The following SETBP1 variants were observed in gnomAD, a reference collection of about 807,000 sequenced individuals.
SETBP1 encodes the protein SET-binding protein.
In SETBP1, 9 loss-of-function variants were observed where a neutral mutation model predicts 101.0. The observed-to-expected ratio is 0.09, with a 90% CI of 0.05 to 0.16. SETBP1 has a LOEUF of 0.16. Ranked by LOEUF, SETBP1 falls within the 10% of genes least tolerant of loss-of-function variation. The probability of loss-of-function intolerance (pLI) is 1.00; values close to 1 mark genes in which losing one functional copy is unlikely to be tolerated. For missense variants in SETBP1, 1,858 were observed against 2,033.8 expected (o/e 0.91, Z 1.66); for synonymous variants, 818 against 788.5 (o/e 1.04, Z -0.63).
chr18:45,002,295 T>C (rs1405090185), intron 4 of SETBP1, among the ~76,000 whole-genome samples: 1 of 151,474 alleles, frequency 6.6e-6, no homozygotes, highest in Non-Finnish European at 1.5e-5. Flanking sequence ...AGAACCATTT[T>C]TTTTTTTTTT....
At chr18:44,941,285 C>T (rs1320719290) in intron 3 of SETBP1, among the ~76,000 whole-genome samples, 2 of 151,778 alleles carry the variant, frequency 1.3e-5, no homozygotes, top group Admixed American at 6.6e-5. Flanking sequence ...GGGGTTTTAC[C>T]ATGTTGGGCC....
rs139503625 is a variant in SETBP1, at chr18:44,898,126, T to C, written c.540+28843T>C. On this transcript the variant is annotated intron_variant, in intron 3 of 5. Coordinates refer to ENST00000649279, the MANE Select transcript of SETBP1 (RefSeq NM_015559.3). ...ATACCTTTCCATAGAGAGATGCCTG[T>C]TTCATTGTTCCTCCACATTCTTTCT... 4.9e-3 allele frequency among the ~76,000 whole-genome samples: 740 copies of C among 152,286 alleles called. 5 individuals carry two copies. The highest frequency in any genetic ancestry group is 8.4e-3 in the Non-Finnish European group (574 of 68,016).
At chr18:44,719,462 AGAAG>A (rs1388928099) in intron 2 of SETBP1, among the ~76,000 whole-genome samples, 1 of 152,110 alleles carries the variant, frequency 6.6e-6, no homozygotes, top group Non-Finnish European at 1.5e-5. Flanking sequence ...ACCTTTTCCG[AGAAG>A]GAATGGAGAG....
At chr18:44,813,005 C>G (rs1197991689) in intron 2 of SETBP1, among the ~76,000 whole-genome samples, 1 of 151,906 alleles carries the variant, frequency 6.6e-6, no homozygotes, top group African/African-American at 2.4e-5. Flanking sequence ...CATGTTCATT[C>G]TGAGAATCAG....
At chr18:44,923,220 G>C (rs2070621251) in intron 3 of SETBP1, among the ~76,000 whole-genome samples, 1 of 152,146 alleles carries the variant, frequency 6.6e-6, no homozygotes, top group Non-Finnish European at 1.5e-5. Context: ...TGACCTTCTG[G>C]GCATTTGAAG....
Position 44,894,836 on chromosome 18 carries a change from A to T in SETBP1, c.540+25553A>T, listed in dbSNP as rs1489857032. Among the ~76,000 whole-genome samples, 4 of 151,916 alleles carry T rather than the reference A, an allele frequency of 2.6e-5. No homozygotes were observed. In the East Asian group the frequency reaches 7.9e-4, roughly 30 times the overall value. On this transcript the variant is annotated intron_variant, in intron 3 of 5. Coordinates refer to ENST00000649279, the MANE Select transcript of SETBP1 (RefSeq NM_015559.3). ...ACAATTTAAGTCCAATTCACTGTTG[A>T]AAACTTAATTGAGGCTGGGCACCGT...
At chr18:44,794,266 G>T (rs996839194) in intron 2 of SETBP1, among the ~76,000 whole-genome samples, 5 of 152,082 alleles carry the variant, frequency 3.3e-5, no homozygotes, top group Non-Finnish European at 7.3e-5. Context: ...GGATACAGCT[G>T]TATTCTTAAA....
intron 2 of SETBP1, among the ~76,000 whole-genome samples, chr18:44,713,787 T>A (rs1457437230): frequency 6.6e-6 from 1 of 152,248 alleles, no homozygotes; most frequent in Non-Finnish European, 1.5e-5. Flanking sequence ...CAGTCGATTC[T>A]CTAGGCTAAA....
At chr18:44,965,954 C>T (rs534385872) in intron 4 of SETBP1, among the ~76,000 whole-genome samples, 2 of 152,302 alleles carry the variant, frequency 1.3e-5, no homozygotes, top group African/African-American at 2.4e-5. Context: ...GTTGCAACTT[C>T]TTGGTCCAGA....
intron 4 of SETBP1, among the ~76,000 whole-genome samples, chr18:44,961,977 A>G (rs887463186): frequency 2.0e-5 from 3 of 152,210 alleles, no homozygotes; most frequent in African/African-American, 4.8e-5. Context: ...TAAAATATAC[A>G]TGCTGGTACA....
chr18:44,699,584 G>A (rs2069079940), intron 1 of SETBP1, among the ~76,000 whole-genome samples: 1 of 152,216 alleles, frequency 6.6e-6, no homozygotes, highest in Non-Finnish European at 1.5e-5. Context: ...ACAGGTGGCT[G>A]TTTTCAGTTT....
intron 2 of SETBP1, among the ~76,000 whole-genome samples, chr18:44,748,953 T>G (rs1478949888): frequency 6.6e-6 from 1 of 152,212 alleles, no homozygotes; most frequent in African/African-American, 2.4e-5. Flanking sequence ...CTCTGCTGGC[T>G]GTCTGCATCA....
chr18:44,726,642 T>C (rs773682593), intron 2 of SETBP1, among the ~76,000 whole-genome samples: 10 of 152,238 alleles, frequency 6.6e-5, no homozygotes, highest in Non-Finnish European at 1.3e-4. Flanking sequence ...TAAACTGTAA[T>C]AATATTACTT....
intron 4 of SETBP1, among the ~76,000 whole-genome samples, chr18:44,957,196 G>A (rs2071504915): frequency 6.6e-6 from 1 of 152,112 alleles, no homozygotes; most frequent in African/African-American, 2.4e-5. Context: ...TACTCCAGGG[G>A]TGACAATGCA....
At chr18:44,691,780 G>A (rs535861521) in intron 1 of SETBP1, among the ~76,000 whole-genome samples, 1 of 152,166 alleles carries the variant, frequency 6.6e-6, no homozygotes, top group Non-Finnish European at 1.5e-5. Context: ...GCTTTGAAGG[G>A]CTTCTGGTTG....
intron 2 of SETBP1, among the ~76,000 whole-genome samples, chr18:44,824,581 G>A (rs1420200040): frequency 6.6e-6 from 1 of 151,914 alleles, no homozygotes; most frequent in Non-Finnish European, 1.5e-5. Flanking sequence ...TATTTCTGAC[G>A]GTGTAACATA....
chr18:44,890,467 G>T (rs2069742865), intron 3 of SETBP1, among the ~76,000 whole-genome samples: 1 of 152,134 alleles, frequency 6.6e-6, no homozygotes, highest in Admixed American at 6.6e-5. Context: ...AGATGGGGAA[G>T]GCTCTTCCAT....
intron 3 of SETBP1, among the ~76,000 whole-genome samples, chr18:44,925,162 T>C (rs1009942074): frequency 1.3e-5 from 2 of 151,656 alleles, no homozygotes; most frequent in Admixed American, 1.3e-4. Flanking sequence ...CATGAGGCAG[T>C]AACCATAAAG....
At chr18:44,947,320 A>C (rs138797475) in intron 3 of SETBP1, among the ~76,000 whole-genome samples, 2 of 152,148 alleles carry the variant, frequency 1.3e-5, no homozygotes, top group East Asian at 3.9e-4. Flanking sequence ...ACAGCAGAGA[A>C]AAAAACGGTA....
Sources: allele counts gnomAD v4.1 joint callset (sites outside exome capture counted in the v4.1 genomes callset), GRCh38; gene constraint gnomAD v4.1.1; transcripts MANE v1.5; gene names NCBI Gene and HGNC (gene_info 2026-07-23, HGNC 2026-07-21).